The following EPM2A variants were observed in gnomAD, a reference collection of about 807,000 sequenced individuals.
EPM2A encodes laforin.
Under a neutral mutation model 26.5 loss-of-function variants are expected in EPM2A, and 21 were observed. The observed-to-expected ratio is 0.79, with a 90% CI of 0.56 to 1.14. The LOEUF (loss-of-function observed/expected upper bound fraction) is 1.14, where lower values mean the gene tolerates loss of function less well. Among genes scored for constraint, EPM2A ranks in the 50% most tolerant of loss-of-function variants. The probability of loss-of-function intolerance (pLI) is 0.00; values close to 1 mark genes in which losing one functional copy is unlikely to be tolerated. For synonymous variants in EPM2A, 217 were observed against 177.6 expected, an observed-to-expected ratio of 1.22 and a Z score of -1.76; for missense variants, 458 against 440.8, an observed-to-expected ratio of 1.04 and a Z score of -0.35.
At chr6:145,484,303 T>C (rs1036490763) in intron 4 of EPM2A, among the ~76,000 whole-genome samples, 2 of 152,028 alleles carry the variant, frequency 1.3e-5, no homozygotes, top group African/African-American at 4.8e-5. Context: ...CCTTAGAAGG[T>C]ATACTCATGA....
intron 4 of EPM2A, chr6:145,489,886 TGTACTTCA>T: frequency 7.3e-7 from 1 of 1,366,822 alleles, no homozygotes; most frequent in Non-Finnish European, 1.0e-6. Flanking sequence ...CTTCTCTACG[TGTACTTCA>T]GTACCTTCTT....
intron 2 of EPM2A, among the ~76,000 whole-genome samples, chr6:145,567,589 A>G (rs1046192097): frequency 1.3e-5 from 2 of 152,208 alleles, no homozygotes; most frequent in Non-Finnish European, 2.9e-5. Context: ...AACTAGCCAC[A>G]AGGCCCCAGC....
intron 2 of EPM2A, among the ~76,000 whole-genome samples, chr6:145,665,910 A>C (rs2128593211): frequency 6.6e-6 from 1 of 151,372 alleles, no homozygotes; most frequent in Non-Finnish European, 1.5e-5. Flanking sequence ...CCAAAGACAA[A>C]AACCACATTA....
intron 2 of EPM2A, among the ~76,000 whole-genome samples, chr6:145,597,541 T>C (rs1781364090): frequency 6.6e-6 from 1 of 152,092 alleles, no homozygotes; most frequent in African/African-American, 2.4e-5. Context: ...GGCTCTTTTC[T>C]AATTTTTTTG....
intron 1 of EPM2A, among the ~76,000 whole-genome samples, chr6:145,725,238 T>A (rs1265191874): frequency 6.6e-6 from 1 of 152,006 alleles, no homozygotes; most frequent in East Asian, 1.9e-4. Flanking sequence ...ATCTAAACAA[T>A]GAGATACCAC....
At chr6:145,419,210 G>A (rs1043717117) in intron 4 of EPM2A, among the ~76,000 whole-genome samples, 4 of 127,802 alleles carry the variant, frequency 3.1e-5, no homozygotes, top group Non-Finnish European at 5.0e-5. Flanking sequence ...CCCCAGCAGC[G>A]CATGGCCTCA....
chr6:145,488,075 A>G (rs1779700521), intron 4 of EPM2A, among the ~76,000 whole-genome samples: 1 of 122,188 alleles, frequency 8.2e-6, no homozygotes, highest in African/African-American at 2.9e-5. Context: ...TGAATAGGGA[A>G]TTCTTTCCCC....
At chr6:145,496,913 AT>A (rs1358054334), downstream of EPM2A, among the ~76,000 whole-genome samples, 1 of 151,468 alleles carries the variant, frequency 6.6e-6, no homozygotes, top group Non-Finnish European at 1.5e-5. Flanking sequence ...AATTTTTTGT[AT>A]TTTTAGTAAA....
intron 2 of EPM2A, among the ~76,000 whole-genome samples, chr6:145,611,510 TTAAG>T (rs1335244993): frequency 1.3e-5 from 2 of 152,020 alleles, no homozygotes; most frequent in African/African-American, 4.8e-5. Flanking sequence ...TAGAAATATT[TTAAG>T]TAATGGGCCA....
intron 4 of EPM2A, among the ~76,000 whole-genome samples, chr6:145,428,109 T>C (rs1778875612): frequency 6.8e-6 from 1 of 148,014 alleles, no homozygotes; most frequent in South Asian, 2.2e-4. Flanking sequence ...TTGTTGCTGC[T>C]GTTCAATTTT....
chr6:145,622,532 C>T (rs1168828244), downstream of EPM2A, among the ~76,000 whole-genome samples: 2 of 152,106 alleles, frequency 1.3e-5, no homozygotes, highest in Non-Finnish European at 2.9e-5. Flanking sequence ...ATATTAGAGT[C>T]GAGTGGGCCC....
intron 2 of EPM2A, among the ~76,000 whole-genome samples, chr6:145,562,657 C>G (rs145979021): frequency 5.0e-4 from 76 of 152,192 alleles, no homozygotes; most frequent in Non-Finnish European, 7.1e-4. Context: ...CACCAGTCCC[C>G]TGCCCACATT....
intron 4 of EPM2A, among the ~76,000 whole-genome samples, chr6:145,443,642 G>A (rs1321953094): frequency 6.6e-6 from 1 of 152,104 alleles, no homozygotes; most frequent in Non-Finnish European, 1.5e-5. Flanking sequence ...CGAGACTATG[G>A]GGTTTTTTTA....
At chr6:145,734,883 G>T in intron 1 of EPM2A, 1 of 177,600 alleles carries the variant, frequency 5.6e-6, no homozygotes. Context: ...CGCAGGCGCG[G>T]TTGGAAAGAA....
At chr6:145,422,861 G>A (rs913300218) in intron 4 of EPM2A, among the ~76,000 whole-genome samples, 6 of 151,970 alleles carry the variant, frequency 3.9e-5, no homozygotes, top group African/African-American at 1.4e-4. Context: ...TAAGGGTCCT[G>A]TTGTTTTTAA....
At chr6:145,728,050 T>C (rs1160410586) in intron 1 of EPM2A, among the ~76,000 whole-genome samples, 1 of 152,218 alleles carries the variant, frequency 6.6e-6, no homozygotes, top group Non-Finnish European at 1.5e-5. Context: ...ATGTAGGACG[T>C]GCCTGCTTCC....
chr6:145,582,802 A>G (rs1281438227), intron 2 of EPM2A, among the ~76,000 whole-genome samples: 2 of 152,080 alleles, frequency 1.3e-5, no homozygotes, highest in African/African-American at 4.8e-5. Flanking sequence ...TGATTCATAG[A>G]TTTGGTCTGT....
chr6:145,435,615 G>A (rs1778980051), intron 4 of EPM2A, among the ~76,000 whole-genome samples: 1 of 151,110 alleles, frequency 6.6e-6, no homozygotes, highest in African/African-American at 2.4e-5. Context: ...TAAGTTGTAG[G>A]GTACCTGTGC....
chr6:145,621,752 T>C (rs1364304760), downstream of EPM2A, among the ~76,000 whole-genome samples: 2 of 152,148 alleles, frequency 1.3e-5, no homozygotes, highest in African/African-American at 4.8e-5. Context: ...TTTGGAGAAA[T>C]GTCTTTTCAG....
Sources: allele counts gnomAD v4.1 joint callset (sites outside exome capture counted in the v4.1 genomes callset), GRCh38; gene constraint gnomAD v4.1.1; transcripts MANE v1.5; gene names NCBI Gene and HGNC (gene_info 2026-07-23, HGNC 2026-07-21).